MGMT: variants seen among roughly 807,000 people sequenced by gnomAD.
MGMT encodes the protein methylated-DNA--protein-cysteine methyltransferase.
Under a neutral mutation model 15.9 loss-of-function variants are expected in MGMT, and 14 were observed. That is an observed-to-expected ratio of 0.88 (90% confidence interval 0.58 to 1.37). The LOEUF (loss-of-function observed/expected upper bound fraction) is 1.37, where lower values mean the gene tolerates loss of function less well. Among genes scored for constraint, MGMT ranks in the 40% most tolerant of loss-of-function variants. MGMT has a pLI of 0.00. For synonymous variants in MGMT, 130 were observed against 118.2 expected, an observed-to-expected ratio of 1.10 and a Z score of -0.65; for missense variants, 282 against 268.1, an observed-to-expected ratio of 1.05 and a Z score of -0.36.
chr10:129,604,747 C>A (rs1047660724), intron 2 of MGMT, among the ~76,000 whole-genome samples: 2 of 145,176 alleles, frequency 1.4e-5, no homozygotes, highest in South Asian at 2.5e-4. Context: ...ACCCCCTCCC[C>A]CCGGCTTTCA....
At chr10:129,712,448 C>T (rs74160275) in intron 3 of MGMT, among the ~76,000 whole-genome samples, 2,653 of 152,296 alleles carry the variant, frequency 0.017, 83 homozygotes, top group African/African-American at 0.061. Context: ...TTTTTTAACA[C>T]CTGCTGGTAG....
chr10:129,527,852 G>C (rs1188615400), intron 1 of MGMT, among the ~76,000 whole-genome samples: 2 of 152,040 alleles, frequency 1.3e-5, no homozygotes, highest in Non-Finnish European at 2.9e-5. Context: ...CTGGTGACCT[G>C]GCCACCACCT....
rs944178003 is a variant in MGMT at position 129,658,835 on chromosome 10, G to A, written c.126-49060G>A. Among the ~76,000 whole-genome samples the A allele has an allele frequency of 1.3e-5, 2 of 152,054 alleles. 1 individual carries two copies. On this transcript the variant is annotated intron_variant, in intron 2 of 4. Coordinates refer to ENST00000651593, the MANE Select transcript of MGMT (RefSeq NM_002412.5). ...CTCAGTGTCCTTAACTGCTGTTCTCGCCCTTAGCTCGCGTGCCCAACCCTA... is the reference window on the plus strand; with the variant it reads ...CTCAGTGTCCTTAACTGCTGTTCTCACCCTTAGCTCGCGTGCCCAACCCTA...
At chr10:129,759,137 C>T in intron 3 of MGMT, 65 bp from the exon 4 acceptor site, 1 of 1,580,912 alleles carries the variant, frequency 6.3e-7, no homozygotes, top group South Asian at 1.1e-5. Context: ...GGACTAGTGG[C>T]TATTTATATC....
At chr10:129,590,881 T>C (rs1230189817) in intron 2 of MGMT, among the ~76,000 whole-genome samples, 1 of 152,250 alleles carries the variant, frequency 6.6e-6, no homozygotes, top group Non-Finnish European at 1.5e-5. Context: ...TGCTCCAGCC[T>C]CTCTCCCGCC....
chr10:129,526,397 G>T (rs533787186), intron 1 of MGMT, among the ~76,000 whole-genome samples: 1 of 152,158 alleles, frequency 6.6e-6, no homozygotes, highest in East Asian at 1.9e-4. Context: ...GTCAGACACG[G>T]TCCTCTTCCT....
chr10:129,616,172 G>A (rs1847023673), intron 2 of MGMT, among the ~76,000 whole-genome samples: 2 of 152,248 alleles, frequency 1.3e-5, no homozygotes, highest in Non-Finnish European at 1.5e-5. Flanking sequence ...AGCAGAGGGA[G>A]CGGCGATTGG....
At chr10:129,704,967 A>G (rs575880245) in intron 2 of MGMT, among the ~76,000 whole-genome samples, 1 of 152,248 alleles carries the variant, frequency 6.6e-6, no homozygotes, top group South Asian at 2.1e-4. Context: ...GTAACCCTGG[A>G]CACACCCTTC....
At chr10:129,736,569 T>C (rs141148039) in intron 3 of MGMT, among the ~76,000 whole-genome samples, 2 of 151,160 alleles carry the variant, frequency 1.3e-5, no homozygotes, top group South Asian at 2.1e-4. Flanking sequence ...ACATTTAAAG[T>C]TAATATTGTT....
intron 1 of MGMT, among the ~76,000 whole-genome samples, chr10:129,485,638 T>C (rs1010946833): frequency 1.3e-5 from 2 of 152,254 alleles, no homozygotes; most frequent in African/African-American, 4.8e-5. Flanking sequence ...CTGTAAGTAT[T>C]TGCAAATATT....
chr10:129,506,341 T>C (rs11016821), intron 1 of MGMT, among the ~76,000 whole-genome samples: 4,488 of 152,286 alleles, frequency 0.029, 102 homozygotes, highest in Non-Finnish European at 0.05. Flanking sequence ...ATCCATGGCA[T>C]CCCATCCTCT....
chr10:129,527,252 A>G (rs10741197), intron 1 of MGMT, among the ~76,000 whole-genome samples: 151,871 of 152,358 alleles, frequency 1, 75,695 homozygotes, highest in Middle Eastern at 1. Flanking sequence ...TACTCTCAGC[A>G]ACACGGCTGT....
intron 3 of MGMT, among the ~76,000 whole-genome samples, chr10:129,730,928 C>T (rs1848488673): frequency 6.6e-6 from 1 of 152,278 alleles, no homozygotes; most frequent in African/African-American, 2.4e-5. Context: ...AGGCATAATT[C>T]TTTTGTTAAA....
At chr10:129,612,937 T>C (rs1472510582) in intron 2 of MGMT, among the ~76,000 whole-genome samples, 1 of 152,180 alleles carries the variant, frequency 6.6e-6, no homozygotes, top group East Asian at 1.9e-4. Flanking sequence ...ACAGCTGCGG[T>C]GACATCCTGT....
intron 2 of MGMT, among the ~76,000 whole-genome samples, chr10:129,617,143 G>A (rs7092208): frequency 0.087 from 13,250 of 152,070 alleles, 782 homozygotes; most frequent in East Asian, 0.3. Flanking sequence ...CCCTCAAGTA[G>A]GCACCGTTGT....
chr10:129,526,106 G>A (rs922599214), intron 1 of MGMT, among the ~76,000 whole-genome samples: 1 of 152,244 alleles, frequency 6.6e-6, no homozygotes, highest in African/African-American at 2.4e-5. Flanking sequence ...TGGTTACAGC[G>A]GGGACCACGG....
At chr10:129,618,037 G>A (rs149898460) in intron 2 of MGMT, among the ~76,000 whole-genome samples, 92 of 152,106 alleles carry the variant, frequency 6.0e-4, no homozygotes, top group Non-Finnish European at 1.1e-3. Context: ...CACTGTCTCC[G>A]GGATTCTTGG....
intron 2 of MGMT, among the ~76,000 whole-genome samples, chr10:129,706,789 G>C (rs1391794208): frequency 1.3e-5 from 2 of 152,118 alleles, no homozygotes; most frequent in Non-Finnish European, 2.9e-5. Context: ...TCAGTCCGTG[G>C]AACACAGCCC....
intron 1 of MGMT, among the ~76,000 whole-genome samples, chr10:129,490,376 A>G (rs1845457475): frequency 6.6e-6 from 1 of 152,160 alleles, no homozygotes; most frequent in Admixed American, 6.5e-5. Context: ...CCTGGGATGA[A>G]CATTACTTGG....
Sources: allele counts gnomAD v4.1 joint callset (sites outside exome capture counted in the v4.1 genomes callset), GRCh38; gene constraint gnomAD v4.1.1; transcripts MANE v1.5; gene names NCBI Gene and HGNC (gene_info 2026-07-23, HGNC 2026-07-21).